The following ANKRD53 variants were observed in gnomAD, a reference collection of about 807,000 sequenced individuals.
ANKRD53 encodes ankyrin repeat domain-containing protein 53.
ANKRD53 carries 27 observed loss-of-function variants against 30.1 expected under a neutral mutation model. The ratio of observed to expected loss-of-function variants is 0.90; its 90% CI spans 0.66 to 1.24. ANKRD53 has a LOEUF of 1.24. Among genes scored for constraint, ANKRD53 ranks in the 50% most tolerant of loss-of-function variants. The probability of loss-of-function intolerance (pLI) is 0.00; values close to 1 mark genes in which losing one functional copy is unlikely to be tolerated. For missense variants in ANKRD53, 682 were observed against 721.0 expected (o/e 0.95, Z 0.62); for synonymous variants, 286 against 295.4 (o/e 0.97, Z 0.33).
intron 5 of ANKRD53, chr2:70,984,340 A>G: frequency 1.2e-6 from 2 of 1,603,584 alleles, no homozygotes; most frequent in Non-Finnish European, 1.7e-6. Context: ...CTCTCCCATC[A>G]GATTGGAGAT....
At chr2:70,984,095 T>G (rs781896588) in intron 5 of ANKRD53, 1 of 1,596,224 alleles carries the variant, frequency 6.3e-7, no homozygotes, top group Non-Finnish European at 8.6e-7. Context: ...CATCAGGCCA[T>G]CCAGTCCTTT....
At position 70,982,335 on chromosome 2, in the gene ANKRD53, G is replaced by A; in HGVS notation, c.782+235G>A. The A allele has an allele frequency of 1.3e-6, 1 of 741,352 alleles. No individual in the cohort carries two copies. Among genetic ancestry groups the A allele is most frequent in the Non-Finnish European group, 2.1e-6 (1 of 472,964 alleles). The allele number at this position is 741,352 out of a possible 1,614,324, so 45.9% of individuals were successfully genotyped here. On this transcript the variant is annotated intron_variant, in intron 4 of 5. Transcript: ENST00000360589. The surrounding 1 kb of genome is among the most constrained non-coding windows in gnomAD (Gnocchi z 4.2). ...GGGTTGATCACTGCCCTCCTTTCCT[G>A]CCCTGGGGCCCCTGGCTCCTCAGCA...
chr2:70,984,322 G>A, intron 5 of ANKRD53: 2 of 1,611,586 alleles, frequency 1.2e-6, no homozygotes, highest in Non-Finnish European at 8.5e-7. Context: ...CTAGGGCAGA[G>A]GCTACATCTC....
At chr2:70,980,099 T>C (rs1669961504) in intron 3 of ANKRD53, among the ~76,000 whole-genome samples, 1 of 152,202 alleles carries the variant, frequency 6.6e-6, no homozygotes, top group Non-Finnish European at 1.5e-5. Context: ...GCGGATCACC[T>C]GAGGTCAGGA....
At position 70,984,707 on chromosome 2, in the gene ANKRD53, C is replaced by A; in HGVS notation, c.1000C>A (p.Arg334=). The A allele has an allele frequency of 6.2e-7, 1 of 1,612,062 alleles. No individual in the cohort carries two copies. The highest frequency in any genetic ancestry group is 1.1e-5 in the South Asian group (1 of 90,962). ...HSLVSNTKQA[R]ATALSKTPEQ... ...TCTGGTCTCCAATACCAAGCAAGCC[C>A]GGGCCACCGCCCTCTCCAAGACCCC... Residue 334 remains arginine, a synonymous_variant, in exon 6 of 6, where the codon CGG becomes AGG. Transcript: ENST00000360589.
chr2:70,980,279 C>A lies in ANKRD53; in HGVS notation c.617+419C>A, dbSNP rs1020100999. ...GCGGTGAGCTGAGATGGTGCCATTG[C>A]ACTTCAGCCCGGGCAACAAGAGCGA... On this transcript the variant is annotated intron_variant, in intron 3 of 5. Coordinates refer to ENST00000360589, the MANE Select transcript of ANKRD53 (RefSeq NM_001115116.2). 4.8e-5 allele frequency among the ~76,000 whole-genome samples: 7 copies of A among 146,090 alleles called. No homozygotes were observed. In the Admixed American group the frequency reaches 4.9e-4, roughly 10 times the overall value.
Position 70,979,861 on chromosome 2 carries a change from G to C in ANKRD53, c.617+1G>C, listed in dbSNP as rs150139540. 1 of 1,614,080 alleles carries C rather than the reference G, an allele frequency of 6.2e-7. No individual in the cohort carries two copies. The highest frequency in any genetic ancestry group is 1.3e-5 in the African/African-American group (1 of 74,942). ...TGGAGAAAGGCGCAGACCTCAATGC[G>C]TGAGTCCAGCCTGCTTCAGGAGGGA... On this transcript the variant is annotated splice_donor_variant, in intron 3 of 5. Coordinates refer to ENST00000360589, the MANE Select transcript of ANKRD53 (RefSeq NM_001115116.2). LOFTEE classifies it high-confidence loss of function.
Position 70,985,076 on chromosome 2 carries a change from C to T in ANKRD53, c.1369C>T (p.Arg457Cys), listed in dbSNP as rs781897587. ...VPRLPFEVLL[R>C]MLYPRVWPYR... Reference sequence around the variant, plus strand: ...GCGGCTGCCTTTTGAGGTGCTGCTGCGCATGCTGTACCCACGTGTATGGCC... The same window carrying T: ...GCGGCTGCCTTTTGAGGTGCTGCTGTGCATGCTGTACCCACGTGTATGGCC... The change falls in exon 6 of 6, where the codon CGC becomes TGC. Residue 457 changes from arginine (R) to cysteine (C), a missense_variant. Transcript: ENST00000360589. 1.4e-5 allele frequency: 22 copies of T among 1,550,356 alleles called. No homozygotes were observed. Among genetic ancestry groups the T allele is most frequent in the South Asian group, 7.1e-5 (6 of 84,058 alleles).
In ANKRD53 at chr2:70,982,149, C is replaced by G; in HGVS notation, c.782+49C>G. The G allele has an allele frequency of 1.3e-6, 2 of 1,541,586 alleles. No individual in the cohort carries two copies. Among genetic ancestry groups the G allele is most frequent in the Non-Finnish European group, 1.8e-6 (2 of 1,141,922 alleles). On this transcript the variant is annotated intron_variant, in intron 4 of 5. Transcript: ENST00000360589. This position sits in a 1 kb window ranked among gnomAD's most constrained non-coding sequence, Gnocchi z 4.2. The stretch of plus-strand genomic sequence containing the variant: ...AGCCTGCCCACCCCCTTCCCCTCCC[C>G]CAGCCTTTTCCCTAGGGCCCTCACC...
Position 70,979,048 on chromosome 2 carries a change from G to A in ANKRD53, c.171-49G>A, listed in dbSNP as rs1553422932. The A allele has an allele frequency of 2.0e-6, 3 of 1,514,302 alleles. No individual in the cohort carries two copies. In the African/African-American group the frequency reaches 4.2e-5, roughly 21 times the overall value. 93.8% of individuals were successfully genotyped at this position (1,514,302 alleles called of 1,614,324 possible). On this transcript the variant is annotated intron_variant, in intron 1 of 5. Coordinates refer to ENST00000360589, the MANE Select transcript of ANKRD53 (RefSeq NM_001115116.2). ...GGGGCCAGGGATCGCCTCCCGAGAG[G>A]TGCCCGGGCCGTGGCCCAGAGTCGC... is the stretch of plus-strand genomic sequence containing the variant.
upstream of ANKRD53, chr2:70,978,466 C>T: frequency 7.9e-6 from 5 of 630,410 alleles, no homozygotes; most frequent in African/African-American, 1.9e-5. This position sits in a 1 kb window ranked among gnomAD's most constrained non-coding sequence, Gnocchi z 4.3. Context: ...GAGCGGCAGG[C>T]GGGCAGGGTC....
At chr2:70,983,316 T>G (rs1670067368) in intron 5 of ANKRD53, among the ~76,000 whole-genome samples, 1 of 152,144 alleles carries the variant, frequency 6.6e-6, no homozygotes, top group Admixed American at 6.5e-5. Flanking sequence ...TGGAAAGGCA[T>G]AGAGGCACCT....
In ANKRD53 at chr2:70,985,158, G is replaced by A. The variant is rs75182953; in HGVS notation, c.1451G>A (p.Arg484Lys). 6.4e-7 allele frequency: 1 copy of A among 1,551,248 alleles called. No individual in the cohort carries two copies. Among genetic ancestry groups the A allele is most frequent in the South Asian group, 1.2e-5 (1 of 84,036 alleles). Residue 484 changes from arginine to lysine, a missense_variant, in exon 6 of 6, where the codon AGG (arginine) becomes AAG (lysine). Transcript: ENST00000360589. ...CCCATCAGCATGAGGGAAGTGCCCA[G>A]GAAGCGGCACCTGGGTGACAACACC... ...FYPISMREVP[R>K]KRHLGDNTFW...
Position 70,981,983 on chromosome 2 carries a change from G to A in ANKRD53, c.665G>A (p.Gly222Asp). The A allele has an allele frequency of 6.2e-7, 1 of 1,610,838 alleles. No individual in the cohort carries two copies. The highest frequency in any genetic ancestry group is 8.5e-7 in the Non-Finnish European group (1 of 1,178,398). The change falls in exon 4 of 6, where the codon GGC (glycine) becomes GAC (aspartate). Residue 222 changes from glycine to aspartate, a missense_variant. Physicochemically the swap from Gly to Asp is moderately conservative, Grantham distance 94. Coordinates refer to ENST00000360589, the MANE Select transcript of ANKRD53 (RefSeq NM_001115116.2). ...STPLHLAARD[G>D]LLDCVKVLVQ... ...CCCCTGCACCTGGCAGCCCGTGACG[G>A]CTTGCTGGACTGTGTGAAGGTCCTG...
In ANKRD53 at chr2:70,982,138, C is replaced by T; in HGVS notation, c.782+38C>T. 1 of 1,557,706 alleles carries T rather than the reference C, an allele frequency of 6.4e-7. No homozygotes were observed. Among genetic ancestry groups the T allele is most frequent in the South Asian group, 1.2e-5 (1 of 81,488 alleles). ...GAACCACCTGGAGCCTGCCCACCCC[C>T]TTCCCCTCCCCCAGCCTTTTCCCTA... On this transcript the variant is annotated intron_variant, in intron 4 of 5. Coordinates refer to ENST00000360589, the MANE Select transcript of ANKRD53 (RefSeq NM_001115116.2). This position sits in a 1 kb window ranked among gnomAD's most constrained non-coding sequence, Gnocchi z 4.2.
At position 70,985,340 on chromosome 2, in the gene ANKRD53, A is replaced by G; in HGVS notation, c.*40A>G. On this transcript the variant is annotated 3_prime_UTR_variant, in exon 6 of 6. Coordinates refer to ENST00000360589, the MANE Select transcript of ANKRD53 (RefSeq NM_001115116.2). ...CCTCTCCCCCTGAGGCAGCCCAGTG[A>G]AGGCTGAAGTGTGGCAATTCACGTT... 2 of 1,509,370 alleles carry G rather than the reference A, an allele frequency of 1.3e-6. No homozygotes were observed. The highest frequency in any genetic ancestry group is 2.5e-5 in the East Asian group (1 of 40,064). The allele number at this position is 1,509,370 out of a possible 1,614,324, so 93.5% of individuals were successfully genotyped here.
chr2:70,982,618 T>C lies in ANKRD53; in HGVS notation c.824T>C (p.Phe275Ser). ...ATGTGGAAAAAGGACAAGAAGGACTTTGCCCGTGAGATGACGAAAATGAAG... is the reference window on the plus strand; with the variant it reads ...ATGTGGAAAAAGGACAAGAAGGACTCTGCCCGTGAGATGACGAAAATGAAG... ...DAMWKKDKKD[F>S]AREMTKMKMF... The change falls in exon 5 of 6, where the codon TTT (phenylalanine) becomes TCT (serine). Residue 275 changes from phenylalanine (F) to serine (S), a missense_variant. Physicochemically the swap from Phe to Ser is radical, Grantham distance 155 (BLOSUM62 -2). Coordinates refer to ENST00000360589, the MANE Select transcript of ANKRD53 (RefSeq NM_001115116.2). The surrounding 1 kb of genome is among the most constrained non-coding windows in gnomAD (Gnocchi z 4.2). 1 of 1,614,090 alleles carries C rather than the reference T, an allele frequency of 6.2e-7. No individual in the cohort carries two copies. The highest frequency in any genetic ancestry group is 8.5e-7 in the Non-Finnish European group (1 of 1,180,008).
chr2:70,979,027 C>G, intron 1 of ANKRD53, 70 bp from the exon 2 acceptor site: 7 of 1,479,954 alleles, frequency 4.7e-6, no homozygotes, highest in Non-Finnish European at 6.2e-6. Context: ...CAGGCGGGGG[C>G]CAGGGATCGC....
chr2:70,983,053 C>T (rs782424113), intron 5 of ANKRD53, among the ~76,000 whole-genome samples: 1 of 152,236 alleles, frequency 6.6e-6, no homozygotes, highest in Non-Finnish European at 1.5e-5. Context: ...TCCACCCTTC[C>T]TTCCAGCAGG....
Sources: allele counts gnomAD v4.1 joint callset (sites outside exome capture counted in the v4.1 genomes callset), GRCh38; gene constraint gnomAD v4.1.1; non-coding constraint Gnocchi (gnomAD v3.1); transcripts MANE v1.5; gene names NCBI Gene and HGNC (gene_info 2026-07-23, HGNC 2026-07-21).